Variants in ARMH1 observed in about 807,000 individuals in gnomAD.
ARMH1 encodes armadillo like helical domain containing 1.
In ARMH1, 34 loss-of-function variants were observed where a neutral mutation model predicts 50.2. The observed-to-expected ratio is 0.68, with a 90% CI of 0.51 to 0.90. The LOEUF (loss-of-function observed/expected upper bound fraction) is 0.90, where lower values mean the gene tolerates loss of function less well. Ranked by LOEUF, ARMH1 falls within the 40% of genes least tolerant of loss-of-function variation. The probability of loss-of-function intolerance (pLI) is 0.00; values close to 1 mark genes in which losing one functional copy is unlikely to be tolerated. For synonymous variants in ARMH1, 221 were observed against 224.2 expected, an observed-to-expected ratio of 0.99 and a Z score of 0.13; for missense variants, 538 against 553.9, an observed-to-expected ratio of 0.97 and a Z score of 0.29.
At chr1:44,675,299 G>A (rs1466935157) in intron 1 of ARMH1, among the ~76,000 whole-genome samples, 1 of 152,056 alleles carries the variant, frequency 6.6e-6, no homozygotes, top group African/African-American at 2.4e-5. Context: ...CAGAGAAGGG[G>A]CATTTATGGC....
At chr1:44,723,900 T>C in intron 6 of ARMH1, 1 of 528,602 alleles carries the variant, frequency 1.9e-6, no homozygotes, top group Non-Finnish European at 3.2e-6. Context: ...CTAGGCCGCC[T>C]CGACAGGTGG....
intron 6 of ARMH1, among the ~76,000 whole-genome samples, chr1:44,720,084 C>T (rs1647028782): frequency 6.6e-6 from 1 of 151,328 alleles, no homozygotes. Flanking sequence ...ATAATCCTAG[C>T]TACTTGGGAG....
chr1:44,711,000 AC>A (rs1339581911), intron 6 of ARMH1, among the ~76,000 whole-genome samples: 3 of 152,234 alleles, frequency 2.0e-5, no homozygotes, highest in African/African-American at 7.2e-5. Context: ...TTCAAGGTTC[AC>A]CCACATTGTA....
chr1:44,689,383 A>G (rs1645581588), intron 1 of ARMH1, among the ~76,000 whole-genome samples: 1 of 152,076 alleles, frequency 6.6e-6, no homozygotes, highest in South Asian at 2.1e-4. Context: ...CTTTTATCTC[A>G]GCTGGATGCT....
At chr1:44,722,978 G>A (rs1647583095) in intron 6 of ARMH1, among the ~76,000 whole-genome samples, 1 of 151,598 alleles carries the variant, frequency 6.6e-6, no homozygotes, top group Non-Finnish European at 1.5e-5. Context: ...GGGAGGCTGA[G>A]GCAGGAGAAT....
intron 6 of ARMH1, among the ~76,000 whole-genome samples, chr1:44,705,026 GA>G (rs976871385): frequency 2.7e-5 from 4 of 150,782 alleles, no homozygotes; most frequent in African/African-American, 9.8e-5. Flanking sequence ...TAGTGGAGAC[GA>G]GGTTTCGCTG....
intron 6 of ARMH1, among the ~76,000 whole-genome samples, chr1:44,720,573 A>G (rs2983716): frequency 0.7 from 106,915 of 152,090 alleles, 39,396 homozygotes; most frequent in East Asian, 0.97. Flanking sequence ...TTTAGTGGAT[A>G]GTACTAGAAT....
Position 44,683,193 on chromosome 1 carries a change from A to G in ARMH1, c.-22-6483A>G, listed in dbSNP as rs1002942720. 6.6e-6 allele frequency among the ~76,000 whole-genome samples: 1 copy of G among 152,196 alleles called. No homozygotes were observed. The highest frequency in any genetic ancestry group is 2.4e-5 in the African/African-American group (1 of 41,446). On this transcript the variant is annotated intron_variant, in intron 1 of 11. Transcript: ENST00000535358. This position sits in a 1 kb window ranked among gnomAD's most constrained non-coding sequence, Gnocchi z 4.2. ...CAAAGACAACTTTTGGCTGACTAGG[A>G]GGGTGGTGACCCAAGCACTGAAATA...
At position 44,701,127 on chromosome 1, in the gene ARMH1, A is replaced by C. The variant is rs764867154; in HGVS notation, c.639+8A>C. 9.8e-5 allele frequency: 151 copies of C among 1,541,164 alleles called. No individual in the cohort carries two copies. Among genetic ancestry groups the C allele is most frequent in the Non-Finnish European group, 1.3e-4 (145 of 1,142,118 alleles). ...ACTCTCAGGACTGCCCAGGTGAGCC[A>C]AGGCTGCATGCTCCTGTGGTTCTGA... On this transcript the variant is annotated splice_region_variant and intron_variant, in intron 5 of 11. Coordinates refer to ENST00000535358, the MANE Select transcript of ARMH1 (RefSeq NM_001145636.2).
Position 44,689,814 on chromosome 1 carries a change from C to T in ARMH1, c.117C>T (p.Asn39=). ...TCCTCGACAAGTTCATTGAAACCAA[C>T]CAAGGCAAGACTGCCCCTGAACTGG... ...SHILDKFIET[N]QGKTAPELEQ... The change falls in exon 2 of 12, where the codon AAC becomes AAT. Residue 39 remains asparagine (N), a synonymous_variant. Transcript: ENST00000535358. The T allele has an allele frequency of 6.4e-7, 1 of 1,551,714 alleles. No homozygotes were observed.
chr1:44,678,468 G>C (rs993144024), intron 1 of ARMH1, among the ~76,000 whole-genome samples: 3 of 152,024 alleles, frequency 2.0e-5, no homozygotes, highest in African/African-American at 7.3e-5. Context: ...TATCTGCCAG[G>C]GTATGACTGG....
chr1:44,682,899 C>T lies in ARMH1; in HGVS notation c.-22-6777C>T, dbSNP rs186444145. Among the ~76,000 whole-genome samples, 608 of 152,276 alleles carry T rather than the reference C, an allele frequency of 4.0e-3. 2 individuals carry two copies. The highest frequency in any genetic ancestry group is 0.01 in the Middle Eastern group (3 of 294). On this transcript the variant is annotated intron_variant, in intron 1 of 11. Transcript: ENST00000535358. The surrounding 1 kb of genome is among the most constrained non-coding windows in gnomAD (Gnocchi z 4.5). ...AGGCTGCGGTAAGTTATGATTGTGC[C>T]ACTGCACTCCAGCCTGGGTGACAGA...
chr1:44,715,714 C>A (rs1646822344), intron 6 of ARMH1, among the ~76,000 whole-genome samples: 1 of 152,150 alleles, frequency 6.6e-6, no homozygotes, highest in South Asian at 2.1e-4. Flanking sequence ...CGCCCACCAT[C>A]ACACCTGGCT....
rs926237543 is a variant in ARMH1, at chr1:44,676,399, C to A, written c.-23+1526C>A. 2.0e-5 allele frequency among the ~76,000 whole-genome samples: 3 copies of A among 152,180 alleles called. No homozygotes were observed. The East Asian group carries it at 5.8e-4, about 29-fold the overall frequency. On this transcript the variant is annotated intron_variant, in intron 1 of 11. Transcript: ENST00000535358. ...TGGGGCCTTATAGATGCCAGCCACA[C>A]CAATAGATTTGTTGAGCTTGCCCAG... is the stretch of plus-strand genomic sequence containing the variant.
chr1:44,687,738 T>C (rs1645521412), intron 1 of ARMH1, among the ~76,000 whole-genome samples: 1 of 152,166 alleles, frequency 6.6e-6, no homozygotes, highest in Admixed American at 6.6e-5. Flanking sequence ...AGGATGGGCC[T>C]TCACCACATA....
At chr1:44,693,755 C>T (rs967875385) in intron 2 of ARMH1, among the ~76,000 whole-genome samples, 5 of 152,086 alleles carry the variant, frequency 3.3e-5, no homozygotes, top group Non-Finnish European at 7.4e-5. Context: ...CATGTCTGGC[C>T]CATCATGGAC....
intron 6 of ARMH1, among the ~76,000 whole-genome samples, chr1:44,715,349 C>G (rs1165759505): frequency 2.0e-5 from 3 of 152,130 alleles, no homozygotes; most frequent in Non-Finnish European, 1.5e-5. Context: ...CTGCTACAGC[C>G]CTGTCTCTTG....
intron 6 of ARMH1, among the ~76,000 whole-genome samples, chr1:44,704,635 C>T (rs1646254154): frequency 6.6e-6 from 1 of 151,718 alleles, no homozygotes; most frequent in Middle Eastern, 3.2e-3. Context: ...CCTCAACCTC[C>T]CAAGTAGCTA....
intron 1 of ARMH1, among the ~76,000 whole-genome samples, chr1:44,688,664 C>T: frequency 6.6e-6 from 1 of 152,212 alleles, no homozygotes; most frequent in Admixed American, 6.5e-5. Flanking sequence ...ATATGACTTT[C>T]ACTTGTCTGT....
Sources: gnomAD v4.1 joint callset for allele counts (sites outside exome capture counted in the v4.1 genomes callset) on GRCh38, gnomAD v4.1.1 for gene constraint, Gnocchi (gnomAD v3.1) non-coding constraint, MANE v1.5 for transcripts, NCBI Gene and HGNC (gene_info 2026-07-23, HGNC 2026-07-21) for gene names.